The following CADPS2 variants were observed in gnomAD, a reference collection of about 807,000 sequenced individuals.
The protein encoded by CADPS2 is calcium-dependent secretion activator 2.
A neutral mutation model predicts 172.5 loss-of-function variants in CADPS2; 93 were observed. That is an observed-to-expected ratio of 0.54 (90% CI 0.46 to 0.64). The LOEUF (loss-of-function observed/expected upper bound fraction) is 0.64. Ranked by LOEUF, CADPS2 falls within the 30% of genes least tolerant of loss-of-function variation. The pLI is 0.00. For synonymous variants in CADPS2, 546 were observed against 555.2 expected, an observed-to-expected ratio of 0.98 and a Z score of 0.23; for missense variants, 1,420 against 1,565.9, an observed-to-expected ratio of 0.91 and a Z score of 1.57.
chr7:122,388,468 G>C (rs2043958742), intron 23 of CADPS2, 115 bp downstream of exon 23: 1 of 1,041,146 alleles, frequency 9.6e-7, no homozygotes, highest in East Asian at 2.6e-5. Flanking sequence ...TTAAATGTTG[G>C]AATAGTGGTG....
chr7:122,807,361 G>A (rs1799006330), intron 1 of CADPS2, among the ~76,000 whole-genome samples: 1 of 152,198 alleles, frequency 6.6e-6, no homozygotes, highest in Non-Finnish European at 1.5e-5. Flanking sequence ...GAACCCATGA[G>A]AGGTGTTCCA....
At chr7:122,647,260 T>C (rs2078667489) in intron 3 of CADPS2, among the ~76,000 whole-genome samples, 1 of 152,144 alleles carries the variant, frequency 6.6e-6, no homozygotes, top group South Asian at 2.1e-4. Context: ...TCCCAATATG[T>C]TCTAAATTCT....
intron 7 of CADPS2, among the ~76,000 whole-genome samples, chr7:122,576,878 GCCT>G (rs2068117301): frequency 6.6e-6 from 1 of 151,232 alleles, no homozygotes; most frequent in Admixed American, 6.6e-5. Flanking sequence ...TCCTGCCTTA[GCCT>G]CCTGAGTAGC....
At chr7:122,443,735 AT>A (rs1380973791) in intron 15 of CADPS2, among the ~76,000 whole-genome samples, 12 of 137,338 alleles carry the variant, frequency 8.7e-5, no homozygotes, top group Non-Finnish European at 1.6e-4. Flanking sequence ...AAAAAAAAAA[AT>A]GCTGTCAACT....
chr7:122,771,696 G>A (rs947364063), intron 1 of CADPS2, among the ~76,000 whole-genome samples: 7 of 152,226 alleles, frequency 4.6e-5, no homozygotes, highest in African/African-American at 1.7e-4. Flanking sequence ...CCAAGCCAAA[G>A]AGGGAAGGTG....
chr7:122,706,608 G>C (rs1343603490), intron 2 of CADPS2, among the ~76,000 whole-genome samples: 1 of 146,370 alleles, frequency 6.8e-6, no homozygotes. Flanking sequence ...ACACACTTAA[G>C]AGATAGGTTG....
At chr7:122,421,292 A>G (rs2048498850) in intron 17 of CADPS2, among the ~76,000 whole-genome samples, 1 of 152,238 alleles carries the variant, frequency 6.6e-6, no homozygotes, top group African/African-American at 2.4e-5. Flanking sequence ...GAGAGATTTT[A>G]AATGTCCTCA....
chr7:122,598,281 GA>G (rs985262373), intron 6 of CADPS2, among the ~76,000 whole-genome samples: 1 of 151,400 alleles, frequency 6.6e-6, no homozygotes, highest in African/African-American at 2.4e-5. Context: ...TAAGAGTTGG[GA>G]AAAAAGGAAA....
At chr7:122,540,428 T>C (rs1316416458) in intron 8 of CADPS2, among the ~76,000 whole-genome samples, 1 of 152,118 alleles carries the variant, frequency 6.6e-6, no homozygotes. Context: ...GTTTTATGAT[T>C]GTTAACCTTT....
At chr7:122,574,420 T>C (rs1314600573) in intron 7 of CADPS2, among the ~76,000 whole-genome samples, 2 of 121,320 alleles carry the variant, frequency 1.6e-5, no homozygotes, top group Non-Finnish European at 3.1e-5. Context: ...TACTCCAGCC[T>C]GGGTGATAGA....
At chr7:122,345,386 T>C (rs535809599) in intron 28 of CADPS2, among the ~76,000 whole-genome samples, 188 bp downstream of exon 28, 1 of 152,146 alleles carries the variant, frequency 6.6e-6, no homozygotes, top group Admixed American at 6.5e-5. Context: ...GATCCACCGG[T>C]CTCAGCCTCC....
intron 8 of CADPS2, among the ~76,000 whole-genome samples, chr7:122,527,536 C>T (rs1387053475): frequency 6.9e-6 from 1 of 145,710 alleles, no homozygotes; most frequent in African/African-American, 2.6e-5. Flanking sequence ...AAAGAGTAGA[C>T]AGAGTACAAA....
intron 1 of CADPS2, among the ~76,000 whole-genome samples, chr7:122,768,912 T>C (rs762151329): frequency 2.0e-5 from 3 of 151,226 alleles, no homozygotes; most frequent in South Asian, 2.1e-4. Context: ...ACGGAAAATG[T>C]AGATAACCTG....
At chr7:122,538,253 A>C (rs1315525841) in intron 8 of CADPS2, among the ~76,000 whole-genome samples, 2 of 151,668 alleles carry the variant, frequency 1.3e-5, no homozygotes, top group East Asian at 3.9e-4. Context: ...AAATCACTTC[A>C]GAACAGTGAA....
intron 1 of CADPS2, among the ~76,000 whole-genome samples, chr7:122,869,390 G>A (rs1415270423): frequency 6.6e-6 from 1 of 152,014 alleles, no homozygotes; most frequent in Non-Finnish European, 1.5e-5. Context: ...ATTTTTCCAA[G>A]AGAAACCCTG....
chr7:122,669,775 T>G (rs1209787730), intron 2 of CADPS2, among the ~76,000 whole-genome samples: 1 of 151,952 alleles, frequency 6.6e-6, no homozygotes, highest in Non-Finnish European at 1.5e-5. Context: ...TCACTTAAGC[T>G]CCACATTTAG....
chr7:122,565,639 A>G (rs1042444769), intron 7 of CADPS2, among the ~76,000 whole-genome samples: 2 of 152,192 alleles, frequency 1.3e-5, no homozygotes, highest in Admixed American at 6.6e-5. Context: ...ACCATCAGGG[A>G]ATAAGAGTGT....
rs1311578938 is a variant in CADPS2 at position 122,477,083 on chromosome 7, G to GA, written c.1862-2567_1862-2566insT. Among the ~76,000 whole-genome samples the GA allele has an allele frequency of 3.1e-3, 385 of 123,574 alleles. 3 individuals carry two copies. The highest frequency in any genetic ancestry group is 8.3e-3 in the Middle Eastern group (2 of 242). 81.1% of individuals were successfully genotyped at this position (123,574 alleles called of 152,430 possible). A position where few individuals can be genotyped will look rare whatever the true frequency, so the allele number is the denominator to read the frequency against. ...GAGAGAGAGAGAGAGAGAGAGAGAG[G>GA]GAGAGAGAGAGGTAGGTAGATAGGC... On this transcript the variant is annotated intron_variant, in intron 12 of 29. Coordinates refer to ENST00000449022, the MANE Select transcript of CADPS2 (RefSeq NM_017954.11).
At chr7:122,824,758 AC>A (rs1804400723) in intron 1 of CADPS2, among the ~76,000 whole-genome samples, 1 of 152,214 alleles carries the variant, frequency 6.6e-6, no homozygotes, top group South Asian at 2.1e-4. Context: ...TGAATCATAT[AC>A]AGGAGAGTTT....
Sources: gnomAD v4.1 joint callset for allele counts (sites outside exome capture counted in the v4.1 genomes callset) on GRCh38, gnomAD v4.1.1 for gene constraint, MANE v1.5 for transcripts, NCBI Gene and HGNC (gene_info 2026-07-23, HGNC 2026-07-21) for gene names.